The following ANXA4 variants were observed in gnomAD, a reference collection of about 807,000 sequenced individuals.
ANXA4 encodes 35-beta calcimedin.
A neutral mutation model predicts 49.8 loss-of-function variants in ANXA4; 39 were observed. That is an observed-to-expected ratio of 0.78 (90% CI 0.61 to 1.02). ANXA4 has a LOEUF of 1.02. Ranked by LOEUF, ANXA4 falls within the 50% of genes least tolerant of loss-of-function variation. ANXA4 has a pLI of 0.00. For missense variants in ANXA4, 360 were observed against 410.1 expected (o/e 0.88, Z 1.05); for synonymous variants, 134 against 152.5 (o/e 0.88, Z 0.89).
chr2:69,747,279 A>G (rs1023909036), intron 1 of ANXA4, among the ~76,000 whole-genome samples: 1 of 152,246 alleles, frequency 6.6e-6, no homozygotes, highest in African/African-American at 2.4e-5. Context: ...CCCTGTGATT[A>G]CTGGGAACAA....
chr2:69,815,580 C>T (rs899400004), intron 8 of ANXA4: 1 of 152,344 alleles, frequency 6.6e-6, no homozygotes, highest in African/African-American at 2.4e-5. Context: ...ACTGTGAGAC[C>T]TGTAGCCTCA....
intron 3 of ANXA4, among the ~76,000 whole-genome samples, chr2:69,794,274 A>G (rs1672823849): frequency 1.3e-5 from 2 of 152,168 alleles, no homozygotes; most frequent in African/African-American, 2.4e-5. Context: ...GTTATTTCCC[A>G]TGGTTAACCC....
At chr2:69,666,781 C>T (rs766424378) in intron 2 of ANXA4, among the ~76,000 whole-genome samples, 2 of 152,180 alleles carry the variant, frequency 1.3e-5, no homozygotes, top group Non-Finnish European at 2.9e-5. Context: ...TGTGGTGGCT[C>T]ATGCCTGTAA....
intron 1 of ANXA4, among the ~76,000 whole-genome samples, chr2:69,779,038 GC>G (rs1310901937): frequency 5.4e-5 from 8 of 147,094 alleles, no homozygotes; most frequent in Non-Finnish European, 1.2e-4. Flanking sequence ...AACCTGGGAG[GC>G]AGAGGTTGCA....
chr2:69,683,368 C>G (rs1677665073), intron 2 of ANXA4, among the ~76,000 whole-genome samples: 1 of 152,070 alleles, frequency 6.6e-6, no homozygotes, highest in Admixed American at 6.6e-5. Flanking sequence ...CGTTTTTGTT[C>G]TAATTGAGTG....
chr2:69,688,098 C>T (rs1036586951), intron 2 of ANXA4, among the ~76,000 whole-genome samples: 3 of 152,120 alleles, frequency 2.0e-5, no homozygotes, highest in Non-Finnish European at 4.4e-5. Flanking sequence ...CCACACATCG[C>T]CATGGTTAGA....
chr2:69,708,756 C>T (rs973850910), intron 2 of ANXA4, among the ~76,000 whole-genome samples: 2 of 152,032 alleles, frequency 1.3e-5, no homozygotes, highest in African/African-American at 4.8e-5. Flanking sequence ...GCTTCTTTGC[C>T]TCGACTGCAT....
At chr2:69,729,530 T>G (rs980560350) in intron 3 of ANXA4, among the ~76,000 whole-genome samples, 1 of 152,206 alleles carries the variant, frequency 6.6e-6, no homozygotes, top group Non-Finnish European at 1.5e-5. Flanking sequence ...GGGGTGGTGC[T>G]ACAGGTGTCT....
chr2:69,646,487 ATTGAT>A (rs1240473575), intron 1 of ANXA4, among the ~76,000 whole-genome samples: 3 of 152,214 alleles, frequency 2.0e-5, no homozygotes, highest in Admixed American at 1.3e-4. Context: ...AGGTGGAAAG[ATTGAT>A]TTGAAGTATC....
intron 1 of ANXA4, among the ~76,000 whole-genome samples, chr2:69,777,390 C>G (rs1292704022): frequency 1.3e-5 from 2 of 152,184 alleles, no homozygotes; most frequent in Non-Finnish European, 2.9e-5. Context: ...AACCAGCCCC[C>G]CATCCTATAG....
At chr2:69,668,127 AT>A (rs1461699163) in intron 2 of ANXA4, among the ~76,000 whole-genome samples, 2 of 152,090 alleles carry the variant, frequency 1.3e-5, no homozygotes, top group Non-Finnish European at 2.9e-5. Context: ...GTAGCCTTTA[AT>A]TGGGGCCATT....
At chr2:69,740,031 C>G (rs1056158654), upstream of ANXA4, among the ~76,000 whole-genome samples, 2 of 152,170 alleles carry the variant, frequency 1.3e-5, no homozygotes, top group African/African-American at 4.8e-5. Context: ...AAGTTAGCCT[C>G]TGGCCATGGC....
intron 2 of ANXA4, among the ~76,000 whole-genome samples, chr2:69,667,796 G>A (rs997930112): frequency 6.6e-6 from 1 of 152,208 alleles, no homozygotes; most frequent in African/African-American, 2.4e-5. Flanking sequence ...GCTTAGATGG[G>A]ACTTGCTGCT....
intron 2 of ANXA4, among the ~76,000 whole-genome samples, chr2:69,675,477 A>G (rs774303056): frequency 7.9e-5 from 12 of 152,198 alleles, no homozygotes; most frequent in Non-Finnish European, 1.3e-4. Flanking sequence ...TGTACATGTC[A>G]TCTCAATGTT....
At chr2:69,699,827 A>G (rs1678271888) in intron 2 of ANXA4, among the ~76,000 whole-genome samples, 1 of 152,214 alleles carries the variant, frequency 6.6e-6, no homozygotes, top group Admixed American at 6.5e-5. Context: ...GTCCATCATG[A>G]CCAAGAAAAA....
At chr2:69,757,242 A>T (rs1324099646) in intron 1 of ANXA4, among the ~76,000 whole-genome samples, 6 of 48,420 alleles carry the variant, frequency 1.2e-4, no homozygotes, top group South Asian at 8.7e-4. Context: ...TTTGTTTTAT[A>T]TATATATATA....
At chr2:69,731,980 C>CTTT (rs11425067) in intron 3 of ANXA4, among the ~76,000 whole-genome samples, 57 of 120,124 alleles carry the variant, frequency 4.7e-4, no homozygotes, top group African/African-American at 1.0e-3. Context: ...TCTTTTCTTT[C>CTTT]TTTTTTTTTT....
intron 2 of ANXA4, among the ~76,000 whole-genome samples, chr2:69,683,264 C>G (rs1454222096): frequency 2.0e-5 from 3 of 152,198 alleles, no homozygotes; most frequent in Non-Finnish European, 4.4e-5. Flanking sequence ...ATTTTCTAAT[C>G]TGCAGACCCT....
chr2:69,773,593 C>T (rs527762598), intron 1 of ANXA4, among the ~76,000 whole-genome samples: 1 of 146,828 alleles, frequency 6.8e-6, no homozygotes, highest in African/African-American at 2.5e-5. Context: ...GTTTTATTCT[C>T]CTTTCTTTTC....
Sources: gnomAD v4.1 joint callset for allele counts (sites outside exome capture counted in the v4.1 genomes callset) on GRCh38, gnomAD v4.1.1 for gene constraint, MANE v1.5 for transcripts, NCBI Gene and HGNC (gene_info 2026-07-23, HGNC 2026-07-21) for gene names.